The following TRAPPC9 variants were observed in gnomAD, a reference collection of about 807,000 sequenced individuals.
TRAPPC9 encodes the protein IKK2 binding protein.
Under a neutral mutation model 124.0 loss-of-function variants are expected in TRAPPC9, and 83 were observed. That is an observed-to-expected ratio of 0.67 (90% CI 0.56 to 0.80). The LOEUF is 0.80. Ranked by LOEUF, TRAPPC9 falls within the 30% of genes least tolerant of loss-of-function variation. The pLI is 0.00. For synonymous variants in TRAPPC9, 638 were observed against 617.5 expected, an observed-to-expected ratio of 1.03 and a Z score of -0.49; for missense variants, 1,302 against 1,508.3, an observed-to-expected ratio of 0.86 and a Z score of 2.27.
chr8:139,975,436 C>T (rs2131630356), intron 19 of TRAPPC9, among the ~76,000 whole-genome samples: 1 of 152,318 alleles, frequency 6.6e-6, no homozygotes, highest in East Asian at 1.9e-4. Context: ...CTGCTGCTGG[C>T]CTGGGTCCGC....
intron 14 of TRAPPC9, among the ~76,000 whole-genome samples, chr8:140,277,338 G>A (rs1052377764): frequency 2.6e-5 from 4 of 152,126 alleles, no homozygotes; most frequent in African/African-American, 9.7e-5. Context: ...TATCTTTAAC[G>A]ATCATGAGTC....
intron 17 of TRAPPC9, among the ~76,000 whole-genome samples, chr8:140,034,126 T>C (rs1244709017): frequency 6.6e-6 from 1 of 152,242 alleles, no homozygotes; most frequent in Admixed American, 6.5e-5. Context: ...AATTAATTTT[T>C]GGCTTTGTTA....
chr8:140,288,941 T>A (rs2065567375), intron 12 of TRAPPC9, among the ~76,000 whole-genome samples: 1 of 152,050 alleles, frequency 6.6e-6, no homozygotes, highest in African/African-American at 2.4e-5. Flanking sequence ...CGCAACTATC[T>A]CAGATATGAC....
At chr8:139,903,377 C>T (rs1183513857) in intron 20 of TRAPPC9, among the ~76,000 whole-genome samples, 1 of 152,176 alleles carries the variant, frequency 6.6e-6, no homozygotes, top group East Asian at 1.9e-4. Context: ...CGGCCCAGGT[C>T]ATTCGCCTTC....
chr8:140,443,632 G>A (rs1458954607), intron 2 of TRAPPC9, among the ~76,000 whole-genome samples: 1 of 152,020 alleles, frequency 6.6e-6, no homozygotes, highest in African/African-American at 2.4e-5. Flanking sequence ...TGGGCGCAGT[G>A]GCTCACACCT....
chr8:139,910,040 T>C lies in TRAPPC9; in HGVS notation c.2964+107A>G, dbSNP rs937319489. ...TCTCCTTGCCACAGCATTTCTGAGCTACCTGTGGTGAAAATTCAATAGCTA... is the reference window on the plus strand; with the variant it reads ...TCTCCTTGCCACAGCATTTCTGAGCCACCTGTGGTGAAAATTCAATAGCTA... On this transcript the variant is annotated intron_variant, in intron 20 of 22. Coordinates refer to ENST00000438773, the MANE Select transcript of TRAPPC9 (RefSeq NM_001160372.4). The C allele has an allele frequency of 2.8e-5, 37 of 1,313,706 alleles. No homozygotes were observed. In the African/African-American group the frequency reaches 5.1e-4, roughly 18 times the overall value. The allele number at this position is 1,313,706 out of a possible 1,614,324, so 81.4% of individuals were successfully genotyped here. A position where few individuals can be genotyped will look rare whatever the true frequency, so the allele number is the denominator to read the frequency against.
At chr8:139,818,575 C>CA (rs369756476) in intron 21 of TRAPPC9, among the ~76,000 whole-genome samples, 2,376 of 139,418 alleles carry the variant, frequency 0.017, 58 homozygotes, top group African/African-American at 0.057. Flanking sequence ...GGCTCTGTCT[C>CA]AAAAAAAAAA....
intron 21 of TRAPPC9, among the ~76,000 whole-genome samples, chr8:139,785,967 G>A (rs12545462): frequency 0.39 from 59,387 of 151,922 alleles, 13,561 homozygotes; most frequent in Non-Finnish European, 0.52. Flanking sequence ...CAGCACTTTC[G>A]GAGGCTGAGG....
At chr8:140,436,668 C>T (rs973076326) in intron 3 of TRAPPC9, among the ~76,000 whole-genome samples, 9 of 152,136 alleles carry the variant, frequency 5.9e-5, no homozygotes, top group African/African-American at 1.7e-4. Context: ...TCCAGTCCAG[C>T]GCCGCATGGG....
intron 11 of TRAPPC9, among the ~76,000 whole-genome samples, chr8:140,297,333 TACAC>T (rs1212243070): frequency 7.5e-6 from 1 of 133,044 alleles, no homozygotes; most frequent in Non-Finnish European, 1.7e-5. Context: ...CACACACTCA[TACAC>T]ACACATGCAT....
chr8:140,153,814 CA>C (rs2061586732), intron 17 of TRAPPC9, among the ~76,000 whole-genome samples: 6 of 152,190 alleles, frequency 3.9e-5, no homozygotes, highest in Admixed American at 3.9e-4. Context: ...CACAGGGTAT[CA>C]AAGATTCTCC....
intron 18 of TRAPPC9, among the ~76,000 whole-genome samples, chr8:140,011,501 CTTT>C (rs916485762): frequency 1.4e-3 from 160 of 114,624 alleles, no homozygotes; most frequent in African/African-American, 6.8e-3. Context: ...AGAAGGCATA[CTTT>C]TTTTTTTTTT....
chr8:140,296,526 A>G (rs1011675601), intron 11 of TRAPPC9, among the ~76,000 whole-genome samples: 1 of 152,204 alleles, frequency 6.6e-6, no homozygotes, highest in African/African-American at 2.4e-5. Context: ...TCAGCCTCCC[A>G]AAGTGCTGGG....
intron 21 of TRAPPC9, among the ~76,000 whole-genome samples, chr8:139,774,222 T>C (rs744885): frequency 0.087 from 13,190 of 152,160 alleles, 690 homozygotes; most frequent in Admixed American, 0.15. Flanking sequence ...GATGGATTTA[T>C]GGATCACAGG....
intron 21 of TRAPPC9, among the ~76,000 whole-genome samples, chr8:139,877,506 G>A (rs558338342): frequency 2.0e-5 from 3 of 152,164 alleles, no homozygotes; most frequent in South Asian, 2.1e-4. Context: ...GTGCAGATTC[G>A]GGGTCCAGTT....
chr8:140,068,607 C>T (rs1483961669), intron 17 of TRAPPC9, among the ~76,000 whole-genome samples: 1 of 152,216 alleles, frequency 6.6e-6, no homozygotes. Context: ...TGAAATCAGG[C>T]CGCTAGTTAA....
chr8:139,756,645 G>C (rs866071460), intron 21 of TRAPPC9, among the ~76,000 whole-genome samples: 1 of 132,184 alleles, frequency 7.6e-6, no homozygotes, highest in African/African-American at 3.0e-5. Flanking sequence ...GAGGACAGCA[G>C]GTCGCAGGAG....
chr8:139,902,116 G>A (rs918070321), intron 20 of TRAPPC9, among the ~76,000 whole-genome samples: 5 of 152,160 alleles, frequency 3.3e-5, no homozygotes, highest in Non-Finnish European at 5.9e-5. Flanking sequence ...ACGTCGATCC[G>A]TGTGCACGTT....
intron 7 of TRAPPC9, among the ~76,000 whole-genome samples, chr8:140,390,385 G>T (rs1205060914): frequency 6.6e-6 from 1 of 152,200 alleles, no homozygotes; most frequent in Admixed American, 6.5e-5. Flanking sequence ...CATGTCCCCA[G>T]GCAGGAAGCT....
Sources: allele counts gnomAD v4.1 joint callset (sites outside exome capture counted in the v4.1 genomes callset), GRCh38; gene constraint gnomAD v4.1.1; transcripts MANE v1.5; gene names NCBI Gene and HGNC (gene_info 2026-07-23, HGNC 2026-07-21).